The following ZBTB10 variants were observed in gnomAD, a reference collection of about 807,000 sequenced individuals.
ZBTB10 encodes zinc finger and BTB domain-containing protein 10.
A neutral mutation model predicts 76.4 loss-of-function variants in ZBTB10; 32 were observed. That is an observed-to-expected ratio of 0.42 (90% CI 0.32 to 0.56). The LOEUF is 0.56. Ranked by LOEUF, ZBTB10 falls within the 20% of genes least tolerant of loss-of-function variation. The pLI is 0.14. For synonymous variants in ZBTB10, 523 were observed against 432.9 expected (o/e 1.21, Z -2.58); for missense variants, 1,057 against 1,098.5 (o/e 0.96, Z 0.53).
chr8:80,493,212 C>CACACAG (rs1390462292), intron 1 of ZBTB10, among the ~76,000 whole-genome samples: 1 of 100,216 alleles, frequency 1.0e-5, no homozygotes, highest in Non-Finnish European at 2.1e-5. Flanking sequence ...CGCGCGCACA[C>CACACAG]ACACACACAC....
chr8:80,495,852 T>C (rs909659485), intron 1 of ZBTB10, among the ~76,000 whole-genome samples: 3 of 152,218 alleles, frequency 2.0e-5, no homozygotes, highest in Admixed American at 1.3e-4. Context: ...AGACTTGATA[T>C]TGAGGTCTCA....
intron 1 of ZBTB10, 74 bp downstream of exon 1, chr8:80,487,856 C>A (rs1200174516): frequency 1.4e-6 from 2 of 1,463,240 alleles, no homozygotes; most frequent in African/African-American, 2.8e-5. Context: ...TCACCCCCAC[C>A]CACCCCCGAA....
intron 2 of ZBTB10, among the ~76,000 whole-genome samples, chr8:80,510,807 A>G (rs1816173720): frequency 6.6e-6 from 1 of 152,208 alleles, no homozygotes; most frequent in East Asian, 1.9e-4. Context: ...GAAGCATAAG[A>G]TTCCCATAGG....
In ZBTB10 at chr8:80,523,017, G is replaced by T. The variant is rs1009988379; in HGVS notation, c.*3489G>T. ...GTTTAGATTCATTTTTCTGAAAAAC[G>T]ATTAAAAAAACTACCAATTTTTTTT... On this transcript the variant is annotated 3_prime_UTR_variant, in exon 6 of 6. Transcript: ENST00000455036. 2 of 151,496 alleles carry T rather than the reference G, an allele frequency of 1.3e-5. No individual in the cohort carries two copies. Among genetic ancestry groups the T allele is most frequent in the African/African-American group, 2.4e-5 (1 of 41,306 alleles). 9.4% of individuals were successfully genotyped at this position (151,496 alleles called of 1,614,324 possible). A position where few individuals can be genotyped will look rare whatever the true frequency, so the allele number is the denominator to read the frequency against.
chr8:80,509,525 C>G (rs1438939004), intron 2 of ZBTB10, among the ~76,000 whole-genome samples: 1 of 152,250 alleles, frequency 6.6e-6, no homozygotes, highest in East Asian at 1.9e-4. Context: ...AGGTGCTGTA[C>G]TACTCACTTC....
At position 80,521,217 on chromosome 8, in the gene ZBTB10, A is replaced by G. The variant is rs1816441980; in HGVS notation, c.*1689A>G. On this transcript the variant is annotated 3_prime_UTR_variant, in exon 6 of 6. Transcript: ENST00000455036. Reference sequence around the variant, plus strand: ...TAAATCAAAGATAAATTACAGTTACATGGTTAGATGCATCTTTTGTCATCT... The same window carrying G: ...TAAATCAAAGATAAATTACAGTTACGTGGTTAGATGCATCTTTTGTCATCT... 6.6e-6 allele frequency: 1 copy of G among 151,854 alleles called. No individual in the cohort carries two copies. The highest frequency in any genetic ancestry group is 2.1e-4 in the South Asian group (1 of 4,828). The allele number at this position is 151,854 out of a possible 1,614,324, so 9.4% of individuals were successfully genotyped here.
rs1334643742 is a variant in ZBTB10 at position 80,523,658 on chromosome 8, G to A, written c.*4130G>A. 4 of 151,314 alleles carry A rather than the reference G, an allele frequency of 2.6e-5. No homozygotes were observed. Among genetic ancestry groups the A allele is most frequent in the African/African-American group, 7.3e-5 (3 of 41,188 alleles). 9.4% of individuals were successfully genotyped at this position (151,314 alleles called of 1,614,324 possible). On this transcript the variant is annotated 3_prime_UTR_variant, in exon 6 of 6. Transcript: ENST00000455036. ...TGCTGTATCTCTGCTTTCAACTGAA[G>A]TTAAAGAATTCTAGATAGTTTAAAA...
intron 2 of ZBTB10, among the ~76,000 whole-genome samples, chr8:80,507,550 GT>G (rs1233280200): frequency 1.3e-5 from 2 of 152,024 alleles, no homozygotes; most frequent in African/African-American, 4.8e-5. Flanking sequence ...GGGAGCAGAG[GT>G]TGCAGTGAGC....
intron 1 of ZBTB10, among the ~76,000 whole-genome samples, chr8:80,496,787 A>G (rs146958396): frequency 6.6e-6 from 1 of 152,324 alleles, no homozygotes; most frequent in Admixed American, 6.5e-5. Flanking sequence ...TGACTTGTAC[A>G]TGCTAATTCA....
At chr8:80,493,798 T>G (rs913232674) in intron 1 of ZBTB10, among the ~76,000 whole-genome samples, 2 of 152,160 alleles carry the variant, frequency 1.3e-5, no homozygotes, top group African/African-American at 4.8e-5. Flanking sequence ...CCCTTGTGCT[T>G]GGACAACAAG....
intron 2 of ZBTB10, among the ~76,000 whole-genome samples, chr8:80,508,800 G>A (rs1585855538): frequency 6.6e-6 from 1 of 152,172 alleles, no homozygotes; most frequent in Non-Finnish European, 1.5e-5. Flanking sequence ...CTTGTCTATA[G>A]GTATAACTAG....
Position 80,499,652 on chromosome 8 carries a change from T to C in ZBTB10, c.1131T>C (p.Ala377=). The change falls in exon 2 of 6, where the codon GCT becomes GCC. Residue 377 remains alanine (A), a synonymous_variant. Coordinates refer to ENST00000455036, the MANE Select transcript of ZBTB10 (RefSeq NM_001105539.3). ...TGGTAAGCGGAAAAATCTTCAAAGC[T>C]CATAAGAACATCCTGGTTGCAGGCA... ...SIVVSGKIFK[A]HKNILVAGSR... 6.2e-7 allele frequency: 1 copy of C among 1,613,958 alleles called. No homozygotes were observed. The highest frequency in any genetic ancestry group is 8.5e-7 in the Non-Finnish European group (1 of 1,179,856).
At position 80,500,306 on chromosome 8, in the gene ZBTB10, T is replaced by C; in HGVS notation, c.1785T>C (p.Asn595=). The stretch of plus-strand genomic sequence containing the variant: ...ATATTCCACCTAATAATGAAACGAA[T>C]TTAGAAGATTGCTCAGTAATGCAGC... ...IYNIPPNNET[N]LEDCSVMQPP... is the part of the protein sequence containing the mutation. The change falls in exon 2 of 6, where the codon AAT becomes AAC. Residue 595 remains asparagine (N), a synonymous_variant. Coordinates refer to ENST00000455036, the MANE Select transcript of ZBTB10 (RefSeq NM_001105539.3). The C allele has an allele frequency of 6.3e-7, 1 of 1,581,658 alleles. No individual in the cohort carries two copies. The highest frequency in any genetic ancestry group is 8.6e-7 in the Non-Finnish European group (1 of 1,163,072).
intron 2 of ZBTB10, 99 bp downstream of exon 2, chr8:80,500,481 G>A (rs1293823114): frequency 4.1e-6 from 5 of 1,215,164 alleles, no homozygotes; most frequent in African/African-American, 1.5e-5. Context: ...TAGTTATAAA[G>A]TAATACTAAA....
In ZBTB10 at chr8:80,522,776, A is replaced by C. The variant is rs892405204; in HGVS notation, c.*3248A>C. ...TAAGAACCAAGAGGAAAAAGAAATA[A>C]GAAAAGATGGGGGAAAGGAAGGAGA... On this transcript the variant is annotated 3_prime_UTR_variant, in exon 6 of 6. Transcript: ENST00000455036. 2 of 151,944 alleles carry C rather than the reference A, an allele frequency of 1.3e-5. No homozygotes were observed. Among genetic ancestry groups the C allele is most frequent in the Non-Finnish European group, 2.9e-5 (2 of 67,878 alleles). 9.4% of individuals were successfully genotyped at this position (151,944 alleles called of 1,614,324 possible). A position where few individuals can be genotyped will look rare whatever the true frequency, so the allele number is the denominator to read the frequency against.
chr8:80,514,256 A>T (rs1425103875), intron 3 of ZBTB10, among the ~76,000 whole-genome samples: 1 of 152,240 alleles, frequency 6.6e-6, no homozygotes, highest in Non-Finnish European at 1.5e-5. Flanking sequence ...AATTGAGTTA[A>T]TATGGCTTAT....
chr8:80,505,103 T>A (rs572333240), intron 2 of ZBTB10, among the ~76,000 whole-genome samples: 3 of 152,290 alleles, frequency 2.0e-5, no homozygotes, highest in East Asian at 3.9e-4. Flanking sequence ...TATTTTGAAA[T>A]GACAAAAGAA....
chr8:80,515,820 G>A (rs1259138914), intron 3 of ZBTB10, among the ~76,000 whole-genome samples: 2 of 152,042 alleles, frequency 1.3e-5, no homozygotes, highest in Non-Finnish European at 2.9e-5. Flanking sequence ...GGATATTATT[G>A]ATCAGTAAGC....
intron 2 of ZBTB10, among the ~76,000 whole-genome samples, chr8:80,500,820 A>C (rs1405423160): frequency 6.6e-6 from 1 of 152,136 alleles, no homozygotes; most frequent in Non-Finnish European, 1.5e-5. Flanking sequence ...TGTTTCAAAG[A>C]ATTTTGCCAA....
Sources: gnomAD v4.1 joint callset for allele counts (sites outside exome capture counted in the v4.1 genomes callset) on GRCh38, gnomAD v4.1.1 for gene constraint, MANE v1.5 for transcripts, NCBI Gene and HGNC (gene_info 2026-07-23, HGNC 2026-07-21) for gene names.